CTNNBL1: variants seen among roughly 807,000 people sequenced by gnomAD.
The protein encoded by CTNNBL1 is beta-catenin-like protein 1.
Under a neutral mutation model 72.7 loss-of-function variants are expected in CTNNBL1, and 31 were observed. The ratio of observed to expected loss-of-function variants is 0.43; its 90% confidence interval spans 0.32 to 0.58. The LOEUF is 0.58. CTNNBL1 is among the 20% of genes least tolerant of loss of function. CTNNBL1 has a pLI of 0.08. For synonymous variants in CTNNBL1, 240 were observed against 267.3 expected (o/e 0.90, Z 1.00); for missense variants, 534 against 725.1 (o/e 0.74, Z 3.03).
intron 11 of CTNNBL1, among the ~76,000 whole-genome samples, chr20:37,807,967 A>T (rs770334506): frequency 1.3e-5 from 2 of 152,214 alleles, no homozygotes; most frequent in Non-Finnish European, 2.9e-5. Flanking sequence ...TCTCATTAAT[A>T]TAGGTCCAGT....
intron 5 of CTNNBL1, among the ~76,000 whole-genome samples, chr20:37,763,530 A>G (rs1241044021): frequency 2.0e-5 from 3 of 152,114 alleles, no homozygotes; most frequent in Non-Finnish European, 4.4e-5. Context: ...TTGTCCGTGT[A>G]TTTCCCTTAA....
rs1276558058 is a variant in CTNNBL1 at position 37,718,230 on chromosome 20, C to T, written c.31-14649C>T. On this transcript the variant is annotated intron_variant, in intron 1 of 15. Coordinates refer to ENST00000361383, the MANE Select transcript of CTNNBL1 (RefSeq NM_030877.5). The stretch of plus-strand genomic sequence containing the variant: ...CTCCGGGACGGGGCGGCTGGCCGGG[C>T]GGGGGGCTGACCCCCCCACCTCCCT... Among the ~76,000 whole-genome samples, 7 of 144,528 alleles carry T rather than the reference C, an allele frequency of 4.8e-5. No homozygotes were observed. The South Asian group carries it at 6.6e-4, about 14-fold the overall frequency. 94.8% of individuals were successfully genotyped at this position (144,528 alleles called of 152,430 possible). A position where few individuals can be genotyped will look rare whatever the true frequency, so the allele number is the denominator to read the frequency against.
chr20:37,839,128 C>T (rs1600520564), intron 11 of CTNNBL1, among the ~76,000 whole-genome samples: 1 of 151,964 alleles, frequency 6.6e-6, no homozygotes, highest in Non-Finnish European at 1.5e-5. Flanking sequence ...ATTAGGGAAA[C>T]GAGGGGATGG....
chr20:37,714,462 C>T (rs1048934170), intron 1 of CTNNBL1, among the ~76,000 whole-genome samples: 1 of 152,154 alleles, frequency 6.6e-6, no homozygotes, highest in Admixed American at 6.5e-5. Flanking sequence ...ATGATAGTAG[C>T]CCTAGTCATA....
chr20:37,730,985 A>T (rs981949713), intron 1 of CTNNBL1, among the ~76,000 whole-genome samples: 2 of 152,096 alleles, frequency 1.3e-5, no homozygotes, highest in Non-Finnish European at 2.9e-5. Flanking sequence ...TATTTGATTT[A>T]AAAAACTTTT....
At chr20:37,739,436 A>G (rs1381331287) in intron 3 of CTNNBL1, among the ~76,000 whole-genome samples, 1 of 152,046 alleles carries the variant, frequency 6.6e-6, no homozygotes, top group Non-Finnish European at 1.5e-5. Flanking sequence ...TTTTCTATTA[A>G]TGGACATTTG....
chr20:37,867,975 G>T (rs953510953), intron 15 of CTNNBL1, among the ~76,000 whole-genome samples: 2 of 152,202 alleles, frequency 1.3e-5, no homozygotes, highest in African/African-American at 2.4e-5. Flanking sequence ...GTCGGACCTG[G>T]TTCTGGGCCT....
intron 12 of CTNNBL1, 151 bp from the exon 13 acceptor site, chr20:37,842,188 C>T (rs1042284223): frequency 1.2e-4 from 76 of 632,972 alleles, no homozygotes; most frequent in Non-Finnish European, 2.1e-4. Flanking sequence ...CTGATGTGTC[C>T]CTAAGCAAAG....
intron 11 of CTNNBL1, among the ~76,000 whole-genome samples, chr20:37,834,959 A>G (rs2072241577): frequency 1.3e-5 from 2 of 152,372 alleles, no homozygotes; most frequent in Middle Eastern, 6.8e-3. Context: ...GTGGCACTAA[A>G]TCTTAGCTTT....
chr20:37,764,759 A>G (rs1237761382), intron 5 of CTNNBL1, among the ~76,000 whole-genome samples: 1 of 152,214 alleles, frequency 6.6e-6, no homozygotes, highest in African/African-American at 2.4e-5. Flanking sequence ...TGCACATTCT[A>G]GTGAAACATC....
intron 10 of CTNNBL1, 119 bp from the exon 11 acceptor site, chr20:37,802,748 C>A: frequency 1.3e-6 from 1 of 765,786 alleles, no homozygotes; most frequent in Non-Finnish European, 2.1e-6. Flanking sequence ...TAATTGTTAA[C>A]AAGTATGTAA....
chr20:37,782,083 G>T (rs2122697399), intron 10 of CTNNBL1, among the ~76,000 whole-genome samples: 1 of 152,174 alleles, frequency 6.6e-6, no homozygotes, highest in South Asian at 2.1e-4. Context: ...AAAGTATCTA[G>T]GAGAATTCTA....
At chr20:37,778,397 T>G (rs1447238355) in intron 9 of CTNNBL1, among the ~76,000 whole-genome samples, 1 of 152,192 alleles carries the variant, frequency 6.6e-6, no homozygotes, top group East Asian at 1.9e-4. Context: ...AGCTTCCATC[T>G]TGGTGCCAGC....
intron 1 of CTNNBL1, among the ~76,000 whole-genome samples, chr20:37,722,652 G>A (rs980805273): frequency 6.6e-6 from 1 of 152,112 alleles, no homozygotes; most frequent in African/African-American, 2.4e-5. Flanking sequence ...CTAAAGTAAA[G>A]TTAGTCCTGT....
chr20:37,857,197 C>T (rs1187219141), intron 13 of CTNNBL1, among the ~76,000 whole-genome samples: 3 of 152,170 alleles, frequency 2.0e-5, no homozygotes, highest in African/African-American at 4.8e-5. Context: ...CTAAAGAGAA[C>T]GTTCTATTTT....
intron 11 of CTNNBL1, among the ~76,000 whole-genome samples, chr20:37,820,836 G>C (rs1409683510): frequency 1.3e-5 from 2 of 152,208 alleles, no homozygotes; most frequent in African/African-American, 4.8e-5. Flanking sequence ...ATAGTAGCGT[G>C]AATGTGAACT....
intron 3 of CTNNBL1, chr20:37,744,576 T>C (rs1249160507): frequency 6.6e-6 from 1 of 152,184 alleles, no homozygotes; most frequent in Admixed American, 6.5e-5. Flanking sequence ...CAGCCTGTGA[T>C]TGATTCATAG....
chr20:37,768,935 C>T lies in CTNNBL1; in HGVS notation c.750+891C>T, dbSNP rs771073109. Among the ~76,000 whole-genome samples, 10 of 152,022 alleles carry T rather than the reference C, an allele frequency of 6.6e-5. 1 individual carries two copies. The highest frequency in any genetic ancestry group is 4.2e-4 in the South Asian group (2 of 4,812). ...CTGGGATTACAGGTGTGCGCCACCA[C>T]GCCTGGCTAATTTTTGTATTTTTAG... On this transcript the variant is annotated intron_variant, in intron 7 of 15. Transcript: ENST00000361383.
At chr20:37,857,135 G>A (rs2072449890) in intron 13 of CTNNBL1, among the ~76,000 whole-genome samples, 1 of 152,200 alleles carries the variant, frequency 6.6e-6, no homozygotes, top group Non-Finnish European at 1.5e-5. Context: ...AGTAACTGCT[G>A]AACACTTCAG....
Sources: gnomAD v4.1 joint callset for allele counts (sites outside exome capture counted in the v4.1 genomes callset) on GRCh38, gnomAD v4.1.1 for gene constraint, MANE v1.5 for transcripts, NCBI Gene and HGNC (gene_info 2026-07-23, HGNC 2026-07-21) for gene names.